Variants in DNAH8 observed in about 807,000 individuals in gnomAD.
DNAH8 encodes dynein axonemal heavy chain 8, also known as axonemal beta dynein heavy chain 8.
A neutral mutation model predicts 562.1 loss-of-function variants in DNAH8; 382 were observed. The observed-to-expected ratio is 0.68, with a 90% CI of 0.63 to 0.74. The LOEUF (loss-of-function observed/expected upper bound fraction) is 0.74, where lower values mean the gene tolerates loss of function less well. Among genes scored for constraint, DNAH8 ranks in the 30% least tolerant of loss-of-function variants. DNAH8 has a pLI of 0.00. For missense variants in DNAH8, 5,203 were observed against 5,620.4 expected (o/e 0.93, Z 2.37); for synonymous variants, 1,881 against 1,919.4 (o/e 0.98, Z 0.52).
intron 88 of DNAH8, among the ~76,000 whole-genome samples, chr6:39,006,544 A>T (rs1050926263): frequency 6.6e-6 from 1 of 151,998 alleles, no homozygotes; most frequent in African/African-American, 2.4e-5. Context: ...TAAACTTTTG[A>T]CTTTGAGCTT....
At chr6:38,949,051 G>A (rs1015768955) in intron 80 of DNAH8, among the ~76,000 whole-genome samples, 4 of 152,018 alleles carry the variant, frequency 2.6e-5, no homozygotes, top group South Asian at 2.1e-4. Flanking sequence ...GTTAGGACCC[G>A]GGTGGAGGGT....
Position 38,863,873 on chromosome 6 carries a change from G to T in DNAH8, c.6311G>T (p.Gly2104Val), listed in dbSNP as rs1401188844. 1.9e-6 allele frequency: 3 copies of T among 1,586,162 alleles called. No individual in the cohort carries two copies. The highest frequency in any genetic ancestry group is 1.4e-5 in the African/African-American group (1 of 72,974). ...DFRGLGRIFKGLAQSGSWGCF... is the reference protein window; with the variant it reads ...DFRGLGRIFKVLAQSGSWGCF... ...ACAAATTAACTGTTTTTCATGCCAG[G>T]TCTTGCACAGTCGGGTTCCTGGGGC... Residue 2104 changes from glycine to valine, a missense_variant and splice_region_variant, in exon 45 of 93, where the codon GGT becomes GTT. This residue lies in a region of DNAH8 where 2,176 missense variants were observed against 2,365.1 expected (regional missense o/e 0.92). Coordinates refer to ENST00000327475, the MANE Select transcript of DNAH8 (RefSeq NM_001206927.2).
intron 16 of DNAH8, among the ~76,000 whole-genome samples, chr6:38,782,143 C>A (rs1768682047): frequency 6.6e-6 from 1 of 151,914 alleles, no homozygotes; most frequent in Admixed American, 6.6e-5. Flanking sequence ...AAAATTAAAA[C>A]CCTGAGTCCC....
At chr6:38,999,926 CACACACAA>C (rs923644505) in intron 88 of DNAH8, among the ~76,000 whole-genome samples, 7 of 37,792 alleles carry the variant, frequency 1.9e-4, no homozygotes, top group African/African-American at 1.3e-3. Flanking sequence ...TATACACACA[CACACACAA>C]ACACACACAC....
intron 9 of DNAH8, 65 bp from the exon 10 acceptor site, chr6:38,755,907 A>G (rs1353842383): frequency 1.1e-6 from 1 of 940,438 alleles, no homozygotes; most frequent in East Asian, 2.4e-5. Context: ...TTTGAGTATT[A>G]TAGAATATTG....
At chr6:38,897,114 T>A (rs1779752126) in intron 60 of DNAH8, among the ~76,000 whole-genome samples, 1 of 152,084 alleles carries the variant, frequency 6.6e-6, no homozygotes, top group East Asian at 1.9e-4. Flanking sequence ...GATCCACCCA[T>A]CTCGGCCTCC....
chr6:38,870,432 T>C lies in DNAH8; in HGVS notation c.6860T>C (p.Leu2287Ser). ...GAAGATGAACCCCTGTTCCTCAGCTTAATCAATGACCTGTTCCCAGGACTG... is the reference window on the plus strand; with the variant it reads ...GAAGATGAACCCCTGTTCCTCAGCTCAATCAATGACCTGTTCCCAGGACTG... ...VDEDEPLFLSLINDLFPGLQL... is the reference protein window; with the variant it reads ...VDEDEPLFLSSINDLFPGLQL... The change falls in exon 49 of 93, where the codon TTA becomes TCA. Residue 2287 changes from leucine to serine, a missense_variant. Transcript: ENST00000327475. The C allele has an allele frequency of 6.2e-7, 1 of 1,613,970 alleles. No individual in the cohort carries two copies. The highest frequency in any genetic ancestry group is 8.5e-7 in the Non-Finnish European group (1 of 1,179,880).
chr6:38,890,162 G>C (rs1001353281), intron 57 of DNAH8, among the ~76,000 whole-genome samples: 1 of 152,144 alleles, frequency 6.6e-6, no homozygotes, highest in African/African-American at 2.4e-5. Context: ...CCTGATTCCA[G>C]TTCTGCCAAT....
chr6:38,723,144 A>G lies in DNAH8; in HGVS notation c.335A>G (p.Tyr112Cys). 1.2e-6 allele frequency: 2 copies of G among 1,612,684 alleles called. No homozygotes were observed. The highest frequency in any genetic ancestry group is 8.5e-7 in the Non-Finnish European group (1 of 1,179,886). Residue 112 changes from tyrosine to cysteine, a missense_variant, in exon 2 of 93, where the codon TAC (tyrosine) becomes TGC (cysteine). Tyr to Cys is a radical substitution (Grantham distance 194, BLOSUM62 -2). Around this residue, in one of 6 missense-constraint regions of DNAH8, gnomAD observed 556 missense variants for 496.9 expected, o/e 1.12. Transcript: ENST00000327475. ...CCGTCTTCCCGGAGGTCCTCCAGAT[A>G]CCGCCGGAGTATGAGTGGCCTTCCC... is the stretch of plus-strand genomic sequence containing the variant. ...SLPSSRRSSR[Y>C]RRSMSGLPNL... is the part of the protein sequence containing the mutation.
intron 4 of DNAH8, 120 bp downstream of exon 4, chr6:38,730,106 A>T (rs1263781716): frequency 1.7e-6 from 1 of 581,368 alleles, no homozygotes; most frequent in African/African-American, 1.9e-5. Flanking sequence ...CCAGAAGTTT[A>T]TGTATAAGAA....
At chr6:38,768,575 A>G (rs906205934) in intron 11 of DNAH8, among the ~76,000 whole-genome samples, 1 of 151,992 alleles carries the variant, frequency 6.6e-6, no homozygotes, top group Non-Finnish European at 1.5e-5. Flanking sequence ...TGTTTATTAA[A>G]AAAAAAACTA....
At chr6:38,868,358 C>T (rs1209969234) in intron 48 of DNAH8, among the ~76,000 whole-genome samples, 162 bp downstream of exon 48, 1 of 152,098 alleles carries the variant, frequency 6.6e-6, no homozygotes, top group East Asian at 1.9e-4. Context: ...AGCAAAAGAC[C>T]CCATGACCTG....
intron 55 of DNAH8, 113 bp downstream of exon 55, chr6:38,883,569 C>A: frequency 8.4e-7 from 1 of 1,197,520 alleles, no homozygotes; most frequent in Non-Finnish European, 1.1e-6. Flanking sequence ...CAAAAGAAAT[C>A]ATGCTGCACT....
At chr6:38,948,180 C>T (rs2150624527) in intron 80 of DNAH8, among the ~76,000 whole-genome samples, 1 of 152,282 alleles carries the variant, frequency 6.6e-6, no homozygotes, top group East Asian at 1.9e-4. Flanking sequence ...AGATATGAGA[C>T]TTTGGACAGT....
At chr6:38,804,103 AT>A (rs1379709281) in intron 22 of DNAH8, among the ~76,000 whole-genome samples, 1 of 152,204 alleles carries the variant, frequency 6.6e-6, no homozygotes, top group African/African-American at 2.4e-5. Flanking sequence ...GGATGAAATA[AT>A]TTTTACCCTA....
Position 38,883,973 on chromosome 6 carries a change from C to A in DNAH8, c.8234C>A (p.Pro2745His). The change falls in exon 56 of 93, where the codon CCT (proline) becomes CAT (histidine). Residue 2745 changes from proline to histidine, a missense_variant. By Grantham distance (77) the Pro-to-His change is moderately conservative. Around this residue, in one of 6 missense-constraint regions of DNAH8, gnomAD observed 977 missense variants for 1,061.8 expected, o/e 0.92. Transcript: ENST00000327475. ...GTATTTATTGATGATATTAATATGC[C>A]TGTGATTAATGAGTGGGGAGATCAG... ...MTVFIDDINM[P>H]VINEWGDQIT... is the part of the protein sequence containing the mutation. 2 of 1,574,178 alleles carry A rather than the reference C, an allele frequency of 1.3e-6. No individual in the cohort carries two copies. Among genetic ancestry groups the A allele is most frequent in the South Asian group, 2.4e-5 (2 of 84,180 alleles).
intron 6 of DNAH8, 31 bp from the exon 7 acceptor site, chr6:38,737,778 T>C: frequency 9.8e-7 from 1 of 1,017,754 alleles, no homozygotes; most frequent in Non-Finnish European, 1.3e-6. Flanking sequence ...ATATATAAAT[T>C]AGTATTAAAT....
chr6:38,786,675 G>C, intron 17 of DNAH8, 90 bp from the exon 18 acceptor site: 2 of 1,342,706 alleles, frequency 1.5e-6, no homozygotes, highest in South Asian at 1.4e-5. Flanking sequence ...CAAGAAGTTA[G>C]TAATCCAGGG....
rs904239725 is a variant in DNAH8, at chr6:38,722,693, C to T, written c.-34-83C>T. Reference sequence around the variant, plus strand: ...AAGGGAGAACTTAATGATTTTGCTACTTGTCTAGCTAAAAGGGGAGTAATA... The same window carrying T: ...AAGGGAGAACTTAATGATTTTGCTATTTGTCTAGCTAAAAGGGGAGTAATA... On this transcript the variant is annotated intron_variant, in intron 1 of 92. Transcript: ENST00000327475. 22 of 1,143,034 alleles carry T rather than the reference C, an allele frequency of 1.9e-5. No homozygotes were observed. The African/African-American group carries it at 3.3e-4, about 17-fold the overall frequency. The allele number at this position is 1,143,034 out of a possible 1,614,324, so 70.8% of individuals were successfully genotyped here. A position where few individuals can be genotyped will look rare whatever the true frequency, so the allele number is the denominator to read the frequency against.
Sources: allele counts gnomAD v4.1 joint callset (sites outside exome capture counted in the v4.1 genomes callset), GRCh38; gene constraint gnomAD v4.1.1; regional missense constraint gnomAD v4.1.1; transcripts MANE v1.5; gene names NCBI Gene and HGNC (gene_info 2026-07-23, HGNC 2026-07-21).